SGK3: variants seen among roughly 807,000 people sequenced by gnomAD.
The protein encoded by SGK3 is serine/threonine-protein kinase Sgk3.
SGK3 carries 47 observed loss-of-function variants against 68.5 expected under a neutral mutation model. That is an observed-to-expected ratio of 0.69 (90% CI 0.54 to 0.87). The LOEUF (loss-of-function observed/expected upper bound fraction) is 0.87. Among genes scored for constraint, SGK3 ranks in the 40% least tolerant of loss-of-function variants. The pLI is 0.00. For missense variants in SGK3, 479 were observed against 575.5 expected (o/e 0.83, Z 1.72); for synonymous variants, 181 against 189.1 (o/e 0.96, Z 0.35).
chr8:66,809,171 A>AT (rs1808284476), intron 4 of SGK3, among the ~76,000 whole-genome samples: 1 of 152,028 alleles, frequency 6.6e-6, no homozygotes, highest in Non-Finnish European at 1.5e-5. Context: ...CTCATAATTT[A>AT]TTTTTTTACC....
rs540316582 is a variant in SGK3, at chr8:66,717,521, CCTT to C, written c.-122+4691_-122+4693del. Among the ~76,000 whole-genome samples, 261 of 152,012 alleles carry C rather than the reference CCTT, an allele frequency of 1.7e-3. 1 individual carries two copies. Among genetic ancestry groups the C allele is most frequent in the African/African-American group, 6.0e-3 (250 of 41,484 alleles). On this transcript the variant is annotated intron_variant, in intron 1 of 16. Coordinates refer to ENST00000521198, the MANE Select transcript of SGK3 (RefSeq NM_001033578.3). ...CCAGACTGGGCAACAGAGTGAGACT[CCTT>C]CTCAAAAAAAAAGAAAAGAAAACTG...
chr8:66,721,368 C>T (rs185278478), intron 1 of SGK3, among the ~76,000 whole-genome samples: 1 of 152,154 alleles, frequency 6.6e-6, no homozygotes, highest in East Asian at 1.9e-4. Flanking sequence ...CTTTTTTTCT[C>T]TTCTTCCACC....
At chr8:66,759,172 G>A (rs1223040058) in intron 1 of SGK3, among the ~76,000 whole-genome samples, 9 of 143,996 alleles carry the variant, frequency 6.3e-5, no homozygotes, top group East Asian at 4.2e-4. Flanking sequence ...TGCAACCTCC[G>A]CCTCCTGGGT....
chr8:66,766,616 G>A (rs1585685937), intron 1 of SGK3, among the ~76,000 whole-genome samples: 1 of 152,148 alleles, frequency 6.6e-6, no homozygotes, highest in Admixed American at 6.5e-5. Flanking sequence ...CTCTACTTGT[G>A]TTATTATGAA....
At chr8:66,816,341 T>A (rs1808580326) in intron 5 of SGK3, among the ~76,000 whole-genome samples, 1 of 145,038 alleles carries the variant, frequency 6.9e-6, no homozygotes, top group African/African-American at 2.6e-5. Context: ...CATTTCCTTT[T>A]TTTTTTTTTT....
At chr8:66,819,881 C>T (rs1808740284) in intron 5 of SGK3, among the ~76,000 whole-genome samples, 1 of 151,424 alleles carries the variant, frequency 6.6e-6, no homozygotes, top group African/African-American at 2.4e-5. Flanking sequence ...GCAATGGCAC[C>T]ATCTTGGCTC....
intron 8 of SGK3, 76 bp from the exon 9 acceptor site, chr8:66,835,687 G>A: frequency 1.4e-6 from 2 of 1,449,260 alleles, no homozygotes; most frequent in Non-Finnish European, 1.9e-6. Context: ...AAGAAGTATT[G>A]ATGTGTTGAC....
intron 5 of SGK3, among the ~76,000 whole-genome samples, chr8:66,814,734 C>A (rs997450659): frequency 1.3e-5 from 2 of 152,254 alleles, no homozygotes; most frequent in African/African-American, 4.8e-5. Context: ...GTGTCTCATG[C>A]GGACAGGTTT....
intron 1 of SGK3, among the ~76,000 whole-genome samples, chr8:66,753,877 A>G (rs569345084): frequency 1.3e-5 from 2 of 152,296 alleles, no homozygotes; most frequent in South Asian, 4.1e-4. Context: ...CCTCCAAAAT[A>G]TTCTAGCCAC....
intron 4 of SGK3, among the ~76,000 whole-genome samples, chr8:66,809,914 G>A (rs890313424): frequency 1.3e-5 from 2 of 152,172 alleles, no homozygotes; most frequent in African/African-American, 4.8e-5. Context: ...GGGGCTTTGC[G>A]TGTCCTTACA....
chr8:66,784,958 G>C (rs1365433654), intron 1 of SGK3, among the ~76,000 whole-genome samples: 2 of 151,982 alleles, frequency 1.3e-5, no homozygotes, highest in Non-Finnish European at 2.9e-5. Flanking sequence ...TTAGCCCTTG[G>C]TTGTCATCGT....
chr8:66,731,814 G>A (rs372276812), intron 1 of SGK3, among the ~76,000 whole-genome samples: 12 of 152,252 alleles, frequency 7.9e-5, no homozygotes, highest in East Asian at 7.7e-4. Context: ...GATTACAGGC[G>A]TGAGCCACCG....
At chr8:66,729,490 G>T (rs564981492) in intron 1 of SGK3, among the ~76,000 whole-genome samples, 1 of 151,794 alleles carries the variant, frequency 6.6e-6, no homozygotes, top group Non-Finnish European at 1.5e-5. Flanking sequence ...AAATCCTGTT[G>T]TATGAATATA....
intron 14 of SGK3, among the ~76,000 whole-genome samples, chr8:66,845,345 G>A (rs867255862): frequency 6.6e-6 from 1 of 152,194 alleles, no homozygotes; most frequent in African/African-American, 2.4e-5. Flanking sequence ...GTTACAGTGA[G>A]TGGAGATCAT....
chr8:66,821,674 G>T lies in SGK3; in HGVS notation c.330-698G>T, dbSNP rs1478208194. On this transcript the variant is annotated intron_variant, in intron 5 of 16. Transcript: ENST00000521198. Reference sequence around the variant, plus strand: ...ACTACAGGTGTCCGCCACCACGCCCGGCTATTTTTTTTTTTTTTTTTTTTG... The same window carrying T: ...ACTACAGGTGTCCGCCACCACGCCCTGCTATTTTTTTTTTTTTTTTTTTTG... Among the ~76,000 whole-genome samples the T allele has an allele frequency of 4.3e-5, 5 of 116,798 alleles. No individual in the cohort carries two copies. In the East Asian group the frequency reaches 1.3e-3, roughly 30 times the overall value. The allele number at this position is 116,798 out of a possible 152,430, so 76.6% of individuals were successfully genotyped here.
chr8:66,736,917 C>A (rs1368459581), intron 1 of SGK3, among the ~76,000 whole-genome samples: 8 of 151,988 alleles, frequency 5.3e-5, no homozygotes, highest in African/African-American at 1.9e-4. Flanking sequence ...CCGTGCCCGG[C>A]CCACCCAGCT....
intron 1 of SGK3, among the ~76,000 whole-genome samples, chr8:66,783,317 T>C (rs765409825): frequency 2.0e-5 from 3 of 152,250 alleles, no homozygotes; most frequent in Non-Finnish European, 4.4e-5. Flanking sequence ...GATTGTTTTC[T>C]TGTTGTTTAA....
chr8:66,712,933 C>G (rs1034771476), intron 1 of SGK3, 100 bp downstream of exon 1: 4 of 152,020 alleles, frequency 2.6e-5, no homozygotes, highest in African/African-American at 9.7e-5. Context: ...CGGGCCTCGG[C>G]CGCTGCCTGT....
intron 10 of SGK3, among the ~76,000 whole-genome samples, chr8:66,838,967 C>T (rs1395008464): frequency 6.6e-6 from 1 of 152,134 alleles, no homozygotes; most frequent in African/African-American, 2.4e-5. Context: ...CCTCTCTGAG[C>T]CTCAGCTTCC....
Sources: gnomAD v4.1 joint callset for allele counts (sites outside exome capture counted in the v4.1 genomes callset) on GRCh38, gnomAD v4.1.1 for gene constraint, MANE v1.5 for transcripts, NCBI Gene and HGNC (gene_info 2026-07-23, HGNC 2026-07-21) for gene names.